SCN1A: variants seen among roughly 807,000 people sequenced by gnomAD.
SCN1A encodes sodium voltage-gated channel alpha subunit 1.
Under a neutral mutation model 193.7 loss-of-function variants are expected in SCN1A, and 13 were observed. That is an observed-to-expected ratio of 0.07 (90% CI 0.04 to 0.11). The LOEUF is 0.11. Among genes scored for constraint, SCN1A ranks in the 10% least tolerant of loss-of-function variants. The pLI is 1.00. For synonymous variants in SCN1A, 781 were observed against 843.6 expected, an observed-to-expected ratio of 0.93 and a Z score of 1.29; for missense variants, 1,432 against 2,451.1, an observed-to-expected ratio of 0.58 and a Z score of 8.78.
chr2:166,056,358 A>T (rs909916101), intron 6 of SCN1A, 53 bp downstream of exon 6: 4 of 1,103,162 alleles, frequency 3.6e-6, no homozygotes, highest in Non-Finnish European at 5.6e-6. Context: ...ATTAAGACAC[A>T]GTTTCAAAAT....
At chr2:166,038,223 T>C in intron 17 of SCN1A, 91 bp from the exon 18 acceptor site, 1 of 974,096 alleles carries the variant, frequency 1.0e-6, no homozygotes, top group African/African-American at 1.6e-5. Context: ...TAGAATTCAA[T>C]ATCTTACAAT....
rs893308833 is a variant in SCN1A at position 165,987,515 on chromosome 2, G to C, written c.*3730C>G. The C allele has an allele frequency of 1.3e-5, 2 of 152,028 alleles. No individual in the cohort carries two copies. The highest frequency in any genetic ancestry group is 2.9e-5 in the Non-Finnish European group (2 of 67,986). 9.4% of individuals were successfully genotyped at this position (152,028 alleles called of 1,614,324 possible). A position where few individuals can be genotyped will look rare whatever the true frequency, so the allele number is the denominator to read the frequency against. ...TAACTCCGTTATTTCTTCTACAATT[G>C]TTAATTAACATTCAACTGCAAGAAA... On this transcript the variant is annotated 3_prime_UTR_variant, in exon 29 of 29. Transcript: ENST00000674923.
At chr2:166,024,674 G>C (rs370893295) in intron 19 of SCN1A, among the ~76,000 whole-genome samples, 1 of 152,088 alleles carries the variant, frequency 6.6e-6, no homozygotes, top group South Asian at 2.1e-4. Context: ...TTATTTGTTT[G>C]TTTATTTGAG....
At position 166,143,745 on chromosome 2, in the gene SCN1A, C is replaced by G. The variant is rs566489445; in HGVS notation, c.-50+5302G>C. 5.9e-4 allele frequency among the ~76,000 whole-genome samples: 90 copies of G among 152,278 alleles called. 1 individual carries two copies. The South Asian group carries it at 6.2e-3, about 11-fold the overall frequency. On this transcript the variant is annotated intron_variant, in intron 1 of 26. Coordinates refer to the SCN1A transcript ENST00000635750. ...GGCTCTCAGTTGACAAAGAATTTAC[C>G]TTACTTTGGTAAAAATTTGTTTGGC...
At chr2:166,039,981 G>A (rs1016287699) in intron 16 of SCN1A, among the ~76,000 whole-genome samples, 10 of 145,196 alleles carry the variant, frequency 6.9e-5, no homozygotes, top group African/African-American at 2.0e-4. Context: ...CTGGAGTGTA[G>A]TGGTGCCATC....
intron 14 of SCN1A, among the ~76,000 whole-genome samples, chr2:166,043,312 A>G (rs1285371847): frequency 2.0e-5 from 3 of 152,224 alleles, no homozygotes; most frequent in Non-Finnish European, 4.4e-5. Context: ...AAGATTTATT[A>G]CATACCCTTG....
intron 2 of SCN1A, among the ~76,000 whole-genome samples, chr2:166,117,544 G>A (rs574670004): frequency 9.2e-5 from 14 of 152,122 alleles, no homozygotes; most frequent in Non-Finnish European, 1.8e-4. Context: ...AAGGCTAGGG[G>A]TTTCATTGTT....
intron 2 of SCN1A, among the ~76,000 whole-genome samples, chr2:166,079,193 G>A (rs568798029): frequency 6.6e-6 from 1 of 151,330 alleles, no homozygotes; most frequent in South Asian, 2.1e-4. Context: ...TCCAAGTTGG[G>A]AGAGGCAAAT....
intron 15 of SCN1A, 26 bp downstream of exon 15, chr2:166,042,266 A>T (rs779827695): frequency 9.3e-6 from 15 of 1,608,156 alleles, no homozygotes; most frequent in East Asian, 4.5e-5. Context: ...AAAATAATTG[A>T]AACGAAAATA....
chr2:166,027,839 A>G (rs1168037511), intron 19 of SCN1A, among the ~76,000 whole-genome samples: 2 of 152,106 alleles, frequency 1.3e-5, no homozygotes, highest in Non-Finnish European at 2.9e-5. Context: ...TACACTATGC[A>G]TATTAAAAAT....
chr2:166,082,702 T>C (rs1685665096), intron 2 of SCN1A, among the ~76,000 whole-genome samples: 1 of 152,098 alleles, frequency 6.6e-6, no homozygotes, highest in African/African-American at 2.4e-5. Flanking sequence ...CTGGATTATT[T>C]CTAGTTACTA....
intron 1 of SCN1A, among the ~76,000 whole-genome samples, chr2:166,139,179 T>C (rs1312598005): frequency 1.3e-5 from 2 of 152,160 alleles, no homozygotes; most frequent in Admixed American, 6.5e-5. Context: ...GACTTTTCAG[T>C]TAATGCTGAA....
At position 166,051,933 on chromosome 2, in the gene SCN1A, T is replaced by C. The variant is rs1376469048; in HGVS notation, c.750A>G (p.Val250=). 2 of 1,612,396 alleles carry C rather than the reference T, an allele frequency of 1.2e-6. No individual in the cohort carries two copies. The highest frequency in any genetic ancestry group is 1.7e-6 in the Non-Finnish European group (2 of 1,178,884). Residue 250 remains valine (V), a synonymous_variant, in exon 9 of 29, where the codon GTA becomes GTG. Transcript: ENST00000674923. ...LIQSVKKLSD[V]MILTVFCLSV... ...TCAGACAGAACACAGTCAGGATCAT[T>C]ACATCTGAGAGCTTCTTCACAGACT...
intron 1 of SCN1A, among the ~76,000 whole-genome samples, chr2:166,134,252 G>A (rs1046736036): frequency 6.6e-6 from 1 of 152,104 alleles, no homozygotes; most frequent in African/African-American, 2.4e-5. Flanking sequence ...GCAGTGACTT[G>A]TCCAAGGTCA....
intron 19 of SCN1A, chr2:166,027,003 C>A (rs1488273701): frequency 6.6e-6 from 1 of 152,080 alleles, no homozygotes. Context: ...TTAAATTTTA[C>A]CAATTTCTAA....
chr2:166,045,407 G>C, intron 12 of SCN1A, 80 bp from the exon 13 acceptor site: 1 of 1,467,416 alleles, frequency 6.8e-7, no homozygotes, highest in Non-Finnish European at 9.5e-7. Flanking sequence ...TATTTGCATG[G>C]CTTTTAAAAA....
intron 2 of SCN1A, among the ~76,000 whole-genome samples, chr2:166,112,840 A>G (rs532267597): frequency 7.3e-4 from 111 of 152,280 alleles, no homozygotes; most frequent in African/African-American, 2.6e-3. Context: ...CTAATCACCA[A>G]TGGTCAATGA....
intron 28 of SCN1A, chr2:165,993,143 A>G (rs1689488655): frequency 6.6e-6 from 1 of 150,828 alleles, no homozygotes; most frequent in South Asian, 2.1e-4. Flanking sequence ...AATGCCTTCA[A>G]GTTTAAATGC....
intron 18 of SCN1A, among the ~76,000 whole-genome samples, chr2:166,037,346 A>C (rs971713843): frequency 2.6e-5 from 4 of 152,182 alleles, no homozygotes; most frequent in African/African-American, 9.6e-5. Flanking sequence ...ACCACTTTTT[A>C]GTCCTAGTCT....
Sources: gnomAD v4.1 joint callset for allele counts (sites outside exome capture counted in the v4.1 genomes callset) on GRCh38, gnomAD v4.1.1 for gene constraint, MANE v1.5 for transcripts, NCBI Gene and HGNC (gene_info 2026-07-23, HGNC 2026-07-21) for gene names.